Variants in SLC29A2 observed in about 807,000 individuals in gnomAD.
The protein encoded by SLC29A2 is solute carrier family 29 member 2, also known as equilibrative nucleoside transporter 2.
SLC29A2 carries 37 observed loss-of-function variants against 48.8 expected under a neutral mutation model. The ratio of observed to expected loss-of-function variants is 0.76; its 90% CI spans 0.58 to 1.00. The LOEUF (loss-of-function observed/expected upper bound fraction) is 1.00. Among genes scored for constraint, SLC29A2 ranks in the 50% least tolerant of loss-of-function variants. The pLI is 0.00. For synonymous variants in SLC29A2, 233 were observed against 261.7 expected (o/e 0.89, Z 1.06); for missense variants, 533 against 578.6 (o/e 0.92, Z 0.81).
At chr11:66,366,076 T>C (rs1290162429) in intron 9 of SLC29A2, 50 bp downstream of exon 9, 15 of 1,607,720 alleles carry the variant, frequency 9.3e-6, no homozygotes, top group Non-Finnish European at 1.2e-5. Flanking sequence ...TCTCCCGTCC[T>C]CTCCCCTTTG....
In SLC29A2 at chr11:66,363,751, G is replaced by C. The variant is rs529941883; in HGVS notation, c.1260-204C>G. On this transcript the variant is annotated intron_variant, in intron 11 of 11. Coordinates refer to ENST00000357440, the MANE Select transcript of SLC29A2 (RefSeq NM_001532.3). ...CTCTCAGGGCCTCTGAGTCTAACATGATGGGATTCCAGATTCCACAGCCTG... is the reference window on the plus strand; with the variant it reads ...CTCTCAGGGCCTCTGAGTCTAACATCATGGGATTCCAGATTCCACAGCCTG... 2.9e-4 allele frequency: 173 copies of C among 596,062 alleles called. 1 individual carries two copies. Among genetic ancestry groups the C allele is most frequent in the South Asian group, 2.4e-3 (129 of 53,036 alleles). 36.9% of individuals were successfully genotyped at this position (596,062 alleles called of 1,614,324 possible). A position where few individuals can be genotyped will look rare whatever the true frequency, so the allele number is the denominator to read the frequency against.
rs983570574 is a variant in SLC29A2, at chr11:66,371,725, C to T, written c.-134G>A. ...GATTCCGGTGCAGGGCGGCTGGAGT[C>T]GCACAGGTAGCCTCGGGCGGATTTC... On this transcript the variant is annotated 5_prime_UTR_variant, in exon 1 of 12. Transcript: ENST00000357440. 8.4e-5 allele frequency: 71 copies of T among 841,194 alleles called. 1 individual carries two copies. The highest frequency in any genetic ancestry group is 3.6e-4 in the Middle Eastern group (1 of 2,794). 52.1% of individuals were successfully genotyped at this position (841,194 alleles called of 1,614,324 possible). A position where few individuals can be genotyped will look rare whatever the true frequency, so the allele number is the denominator to read the frequency against.
At chr11:66,364,660 A>T in intron 10 of SLC29A2, 1 of 449,916 alleles carries the variant, frequency 2.2e-6, no homozygotes, top group South Asian at 3.1e-5. Flanking sequence ...GCCTGCCACC[A>T]CCATGCCCAG....
chr11:66,367,658 G>T (rs1352745858), intron 6 of SLC29A2, 110 bp from the exon 7 acceptor site: 17 of 1,468,856 alleles, frequency 1.2e-5, no homozygotes, highest in Non-Finnish European at 1.6e-5. Context: ...TTCTCTGGGG[G>T]TCAGGGCTGA....
At chr11:66,372,304 T>C (rs1856100376), upstream of SLC29A2, 1 of 152,216 alleles carries the variant, frequency 6.6e-6, no homozygotes, top group African/African-American at 2.4e-5. Flanking sequence ...CCCTACTCTT[T>C]TTCTGTTAAA....
chr11:66,366,217 C>G lies in SLC29A2; in HGVS notation c.882G>C (p.Ala294=), dbSNP rs747624207. ...CTGTGAAGACCAACACAAGGCACAG[C>G]GCTGTCAGCCAGATCTGGGAGCCAG... ...FTVFQKIWLT[A]LCLVLVFTVT... is the part of the protein sequence containing the mutation. The change falls in exon 9 of 12, where the codon GCG becomes GCC. Residue 294 remains alanine (A), a synonymous_variant. Transcript: ENST00000357440. 1 of 1,613,972 alleles carries G rather than the reference C, an allele frequency of 6.2e-7. No homozygotes were observed. Among genetic ancestry groups the G allele is most frequent in the South Asian group, 1.1e-5 (1 of 91,082 alleles).
upstream of SLC29A2, chr11:66,371,854 G>C (rs1856067149): frequency 1.8e-6 from 1 of 543,696 alleles, no homozygotes; most frequent in Admixed American, 3.4e-5. Flanking sequence ...TCAGGGACTC[G>C]ACTCTGGCTC....
In SLC29A2 at chr11:66,367,799, G is replaced by A. The variant is rs546606972; in HGVS notation, c.621C>T (p.Ile207=). The change falls in exon 6 of 12, where the codon ATC becomes ATT. Residue 207 remains isoleucine (I), a synonymous_variant. Transcript: ENST00000357440. ...GGTGAGGCAGGCTCAGGTAACACAC[G>A]ATGGACATGAGGATGCCCACACAGG... ...ITPCVGILMS[I]VCYLSLPHLK... 7.4e-6 allele frequency: 12 copies of A among 1,614,186 alleles called. No individual in the cohort carries two copies. The highest frequency in any genetic ancestry group is 3.3e-5 in the South Asian group (3 of 91,084).
At chr11:66,366,046 A>C (rs1187284287) in intron 9 of SLC29A2, 25 bp from the exon 10 acceptor site, 2 of 1,612,372 alleles carry the variant, frequency 1.2e-6, no homozygotes, top group Non-Finnish European at 1.7e-6. Context: ...GCTGCAGCTC[A>C]TACTGGTCTC....
intron 6 of SLC29A2, 41 bp downstream of exon 6, chr11:66,367,730 AG>A (rs766196302): frequency 8.8e-5 from 139 of 1,577,594 alleles, no homozygotes; most frequent in Non-Finnish European, 1.1e-4. Flanking sequence ...ACTCTATCCA[AG>A]ATGCTTTGAG....
Position 66,371,650 on chromosome 11 carries a change from C to T in SLC29A2, c.-59G>A. 2 of 1,509,268 alleles carry T rather than the reference C, an allele frequency of 1.3e-6. No homozygotes were observed. The highest frequency in any genetic ancestry group is 2.5e-5 in the East Asian group (1 of 40,578). 93.5% of individuals were successfully genotyped at this position (1,509,268 alleles called of 1,614,324 possible). A position where few individuals can be genotyped will look rare whatever the true frequency, so the allele number is the denominator to read the frequency against. On this transcript the variant is annotated 5_prime_UTR_variant, in exon 1 of 12. Transcript: ENST00000357440. ...GGCAGAGAAGCCGCACCTGCACCTG[C>T]GCTGGGGCGGAGGGCCGCAGACCGG...
rs771116586 is a variant in SLC29A2 at position 66,364,330 on chromosome 11, C to T, written c.1154G>A (p.Arg385Gln). Residue 385 changes from arginine (R) to glutamine (Q), a missense_variant, in exon 11 of 12, where the codon CGG becomes CAG. Physicochemically the swap from Arg to Gln is conservative, Grantham distance 43. Transcript: ENST00000357440. ...FMLCHVPQRS[R>Q]LPILFPQDAY... ...ATCCTGTGGGAAGAGGATGGGCAGC[C>T]GGGACCTCTGGGGCACGTGGCACAG... 12 of 1,613,946 alleles carry T rather than the reference C, an allele frequency of 7.4e-6. No individual in the cohort carries two copies. Among genetic ancestry groups the T allele is most frequent in the East Asian group, 6.7e-5 (3 of 44,856 alleles).
chr11:66,372,147 G>A (rs1406443650), upstream of SLC29A2: 1 of 152,506 alleles, frequency 6.6e-6, no homozygotes, highest in African/African-American at 2.4e-5. Flanking sequence ...TAACTAGGGA[G>A]CCGCTGCGGA....
At chr11:66,371,086 C>T (rs532241788) in intron 2 of SLC29A2, among the ~76,000 whole-genome samples, 158 bp downstream of exon 2, 2 of 152,192 alleles carry the variant, frequency 1.3e-5, no homozygotes, top group South Asian at 4.1e-4. Context: ...TTCCTAGCCA[C>T]GGGGGAAGCA....
chr11:66,364,619 T>C (rs1460849458), intron 10 of SLC29A2, 195 bp from the exon 11 acceptor site: 6 of 558,436 alleles, frequency 1.1e-5, no homozygotes, highest in Non-Finnish European at 1.9e-5. Context: ...ATCCTCCTGC[T>C]TCAGCCTCCT....
intron 7 of SLC29A2, 88 bp downstream of exon 7, chr11:66,367,376 G>A: frequency 8.7e-7 from 1 of 1,143,580 alleles, no homozygotes; most frequent in Non-Finnish European, 1.3e-6. Context: ...GTGGGCTCTG[G>A]CTGGGAACAG....
intron 10 of SLC29A2, among the ~76,000 whole-genome samples, chr11:66,365,692 T>A (rs1855645772): frequency 6.6e-6 from 1 of 152,224 alleles, no homozygotes; most frequent in Non-Finnish European, 1.5e-5. Context: ...TAACATTCTC[T>A]GAGCAGCAAA....
chr11:66,364,020 G>T, intron 11 of SLC29A2, among the ~76,000 whole-genome samples: 1 of 152,252 alleles, frequency 6.6e-6, no homozygotes, highest in East Asian at 1.9e-4. Context: ...TGGGCTACTT[G>T]GTTGGGCGGG....
rs371707575 is a variant in SLC29A2 at position 66,367,105 on chromosome 11, C to T, written c.733+359G>A. Reference sequence around the variant, plus strand: ...GCGAAGCACCTTAGATGGATTATCTCATTACCATTGCTTTACAAATGACAC... The same window carrying T: ...GCGAAGCACCTTAGATGGATTATCTTATTACCATTGCTTTACAAATGACAC... On this transcript the variant is annotated intron_variant, in intron 7 of 11. Transcript: ENST00000357440. Among the ~76,000 whole-genome samples the T allele has an allele frequency of 2.2e-3, 342 of 152,328 alleles. 4 individuals carry two copies. The highest frequency in any genetic ancestry group is 7.6e-3 in the African/African-American group (315 of 41,570).
Sources: allele counts gnomAD v4.1 joint callset (sites outside exome capture counted in the v4.1 genomes callset), GRCh38; gene constraint gnomAD v4.1.1; transcripts MANE v1.5; gene names NCBI Gene and HGNC (gene_info 2026-07-23, HGNC 2026-07-21).